The following DLGAP2 variants were observed in gnomAD, a reference collection of about 807,000 sequenced individuals.
The protein encoded by DLGAP2 is disks large-associated protein 2.
Under a neutral mutation model 100.3 loss-of-function variants are expected in DLGAP2, and 26 were observed. That is an observed-to-expected ratio of 0.26 (90% CI 0.19 to 0.36). DLGAP2 has a LOEUF of 0.36. Among genes scored for constraint, DLGAP2 ranks in the 10% least tolerant of loss-of-function variants. The pLI is 1.00. For missense variants in DLGAP2, 1,858 were observed against 1,453.2 expected (o/e 1.28, Z -4.53); for synonymous variants, 886 against 630.1 (o/e 1.41, Z -6.08).
chr8:913,455 G>A (rs989403645), intron 2 of DLGAP2, among the ~76,000 whole-genome samples: 3 of 152,246 alleles, frequency 2.0e-5, no homozygotes, highest in Non-Finnish European at 4.4e-5. Flanking sequence ...GGCAGTGAGA[G>A]TTTGGCGTGA....
intron 4 of DLGAP2, among the ~76,000 whole-genome samples, chr8:1,530,001 G>A (rs1800935594): frequency 6.6e-6 from 1 of 152,160 alleles, no homozygotes; most frequent in Admixed American, 6.5e-5. Context: ...GTGGAGGCAG[G>A]GTGAGATCAC....
intron 4 of DLGAP2, among the ~76,000 whole-genome samples, chr8:1,543,720 G>GT (rs1265146198): frequency 2.0e-5 from 3 of 152,208 alleles, no homozygotes; most frequent in Non-Finnish European, 4.4e-5. Flanking sequence ...AAAAAGCCAT[G>GT]TGAGGTTTTG....
chr8:1,305,582 A>T (rs568173267), intron 3 of DLGAP2, among the ~76,000 whole-genome samples: 1 of 152,154 alleles, frequency 6.6e-6, no homozygotes, highest in African/African-American at 2.4e-5. Context: ...CAGACCAGAG[A>T]AACTAAGGAC....
chr8:1,233,842 C>G (rs1399609565), intron 2 of DLGAP2, among the ~76,000 whole-genome samples: 2 of 151,956 alleles, frequency 1.3e-5, no homozygotes, highest in Non-Finnish European at 2.9e-5. Flanking sequence ...TTATTTTAAT[C>G]CGTAAGCTAA....
intron 2 of DLGAP2, among the ~76,000 whole-genome samples, chr8:997,548 G>A (rs1800816144): frequency 6.6e-6 from 1 of 152,104 alleles, no homozygotes; most frequent in African/African-American, 2.4e-5. Context: ...CATTAAACGG[G>A]ATGATACTCT....
rs116062100 is a variant in DLGAP2 at position 1,318,345 on chromosome 8, G to C, written c.106+59462G>C. ...TTATCAGTTCAGCTTTACTTTCCTGGATTTATTTTCAAAACCATCTTCATA... is the reference window on the plus strand; with the variant it reads ...TTATCAGTTCAGCTTTACTTTCCTGCATTTATTTTCAAAACCATCTTCATA... On this transcript the variant is annotated intron_variant, in intron 3 of 14. Coordinates refer to ENST00000637795, the MANE Select transcript of DLGAP2 (RefSeq NM_001346810.2). Among the ~76,000 whole-genome samples the C allele has an allele frequency of 3.7e-3, 566 of 151,924 alleles. 2 individuals are homozygous for C. Among genetic ancestry groups the C allele is most frequent in the African/African-American group, 0.013 (532 of 41,412 alleles).
At chr8:1,188,738 C>G (rs1797570683) in intron 2 of DLGAP2, among the ~76,000 whole-genome samples, 1 of 152,190 alleles carries the variant, frequency 6.6e-6, no homozygotes, top group African/African-American at 2.4e-5. Flanking sequence ...AGTACAGAGT[C>G]TGAGATGTCA....
At chr8:1,440,483 C>G (rs1260435098) in intron 3 of DLGAP2, among the ~76,000 whole-genome samples, 3 of 152,230 alleles carry the variant, frequency 2.0e-5, no homozygotes, top group African/African-American at 7.2e-5. Flanking sequence ...ACTAGAAGCT[C>G]TTGAGCCAGC....
chr8:1,269,295 C>T (rs954001845), intron 3 of DLGAP2, among the ~76,000 whole-genome samples: 6 of 152,182 alleles, frequency 3.9e-5, no homozygotes, highest in African/African-American at 1.4e-4. Flanking sequence ...GTGTTCCAGC[C>T]TGGAGCTCCC....
chr8:1,231,622 T>C (rs1798537208), intron 2 of DLGAP2, among the ~76,000 whole-genome samples: 1 of 152,176 alleles, frequency 6.6e-6, no homozygotes, highest in Admixed American at 6.6e-5. Context: ...AGAAAATGGC[T>C]GTGTACACCG....
intron 1 of DLGAP2, among the ~76,000 whole-genome samples, chr8:761,064 C>G (rs1011592495): frequency 4.6e-5 from 7 of 152,320 alleles, no homozygotes; most frequent in Admixed American, 1.3e-4. Context: ...TTGCCTGTGC[C>G]GGGCGCCGTT....
intron 5 of DLGAP2, among the ~76,000 whole-genome samples, chr8:1,550,840 C>T (rs1014794560): frequency 2.6e-5 from 4 of 152,288 alleles, no homozygotes; most frequent in Middle Eastern, 3.4e-3. Flanking sequence ...CAGTCGATAG[C>T]GCTGTTAAAA....
intron 2 of DLGAP2, among the ~76,000 whole-genome samples, chr8:1,055,557 C>A (rs990156753): frequency 1.3e-5 from 2 of 152,144 alleles, no homozygotes; most frequent in East Asian, 3.9e-4. Context: ...TATTTAATGG[C>A]CCTACTAATG....
At chr8:1,641,967 G>C (rs62483074) in intron 8 of DLGAP2, among the ~76,000 whole-genome samples, 4,640 of 47,530 alleles carry the variant, frequency 0.098, 288 homozygotes, top group Admixed American at 0.12. Context: ...TGTCACCCTC[G>C]ACCCCGCCGG....
chr8:1,252,899 A>G (rs78711335), intron 2 of DLGAP2, among the ~76,000 whole-genome samples: 18,446 of 152,236 alleles, frequency 0.12, 2,571 homozygotes, highest in African/African-American at 0.34. Context: ...AGTCACTGTC[A>G]CAGCTGGAGG....
At chr8:1,040,528 G>T (rs1802312456) in intron 2 of DLGAP2, among the ~76,000 whole-genome samples, 1 of 149,718 alleles carries the variant, frequency 6.7e-6, no homozygotes, top group Admixed American at 6.7e-5. Context: ...CGGTTTCCGT[G>T]GTCGGCTCGG....
chr8:879,765 C>T (rs1244095407), intron 1 of DLGAP2, among the ~76,000 whole-genome samples: 5 of 152,162 alleles, frequency 3.3e-5, no homozygotes, highest in African/African-American at 9.7e-5. Context: ...GTTGATTGCT[C>T]CTAGGGAGAA....
At chr8:865,127 C>T (rs1394909569) in intron 1 of DLGAP2, among the ~76,000 whole-genome samples, 1 of 152,080 alleles carries the variant, frequency 6.6e-6, no homozygotes, top group Non-Finnish European at 1.5e-5. Flanking sequence ...AACAAGGGGG[C>T]CCCTTCCAGA....
chr8:951,225 C>T (rs1030250913), intron 2 of DLGAP2, among the ~76,000 whole-genome samples: 1 of 152,108 alleles, frequency 6.6e-6, no homozygotes, highest in Admixed American at 6.6e-5. Flanking sequence ...TATTTTGTTA[C>T]TTTAAAAAAT....
Sources: gnomAD v4.1 joint callset for allele counts (sites outside exome capture counted in the v4.1 genomes callset) on GRCh38, gnomAD v4.1.1 for gene constraint, MANE v1.5 for transcripts, NCBI Gene and HGNC (gene_info 2026-07-23, HGNC 2026-07-21) for gene names.